ABCA3: variants seen among roughly 807,000 people sequenced by gnomAD.
ABCA3 encodes the protein phospholipid-transporting ATPase ABCA3.
ABCA3 carries 88 observed loss-of-function variants against 172.8 expected under a neutral mutation model. The ratio of observed to expected loss-of-function variants is 0.51; its 90% confidence interval spans 0.43 to 0.61. The LOEUF is 0.61. ABCA3 is among the 20% of genes least tolerant of loss of function. ABCA3 has a pLI of 0.00. For missense variants in ABCA3, 2,164 were observed against 2,301.0 expected (o/e 0.94, Z 1.22); for synonymous variants, 1,066 against 983.8 (o/e 1.08, Z -1.56).
At chr16:2,327,015 A>G (rs1424188434) in intron 3 of ABCA3, among the ~76,000 whole-genome samples, 1 of 152,198 alleles carries the variant, frequency 6.6e-6, no homozygotes, top group Non-Finnish European at 1.5e-5. Flanking sequence ...AAAAAAACCC[A>G]AAGAGCATAG....
chr16:2,325,962 C>T (rs1345237779), intron 5 of ABCA3, 48 bp downstream of exon 5: 17 of 1,609,258 alleles, frequency 1.1e-5, no homozygotes, highest in Admixed American at 1.7e-5. Flanking sequence ...TGCCCAGCCG[C>T]GTGGAGGCAC....
intron 28 of ABCA3, 124 bp downstream of exon 28, chr16:2,280,903 G>A (rs2093653910): frequency 1.6e-6 from 2 of 1,280,136 alleles, no homozygotes; most frequent in Non-Finnish European, 2.2e-6. Flanking sequence ...GGCATGTGCT[G>A]GGCCCATTTC....
At position 2,317,762 on chromosome 16, in the gene ABCA3, C is replaced by A. The variant is rs1339091270; in HGVS notation, c.876G>T (p.Glu292Asp). 4 of 1,614,120 alleles carry A rather than the reference C, an allele frequency of 2.5e-6. No individual in the cohort carries two copies. The highest frequency in any genetic ancestry group is 3.4e-6 in the Non-Finnish European group (4 of 1,179,948). ...VVQEKERRLK[E>D]YMRMMGLSSW... ...TGCTGAGCCCCATCATGCGCATGTA[C>A]TCCTGGGGAGAGAAGCCATCACGCT... The change falls in exon 9 of 33, where the codon GAG becomes GAT. Residue 292 changes from glutamate to aspartate, a missense_variant and splice_region_variant. Physicochemically the swap from Glu to Asp is conservative, Grantham distance 45. This residue lies in a region of ABCA3 where 1,343 missense variants were observed against 1,369.6 expected (regional missense o/e 0.98). Transcript: ENST00000301732.
rs764954705 is a variant in ABCA3 at position 2,317,743 on chromosome 16, G to A, written c.895C>T (p.Leu299Phe). 5 of 1,614,228 alleles carry A rather than the reference G, an allele frequency of 3.1e-6. No homozygotes were observed. The highest frequency in any genetic ancestry group is 1.7e-5 in the Admixed American group (1 of 60,032). The change falls in exon 9 of 33, where the codon CTC becomes TTC. Residue 299 changes from leucine to phenylalanine, a missense_variant. By Grantham distance (22) the Leu-to-Phe change is conservative (BLOSUM62 0). Around this residue, in one of 3 missense-constraint regions of ABCA3, gnomAD observed 1,343 missense variants for 1,369.6 expected, o/e 0.98. Coordinates refer to ENST00000301732, the MANE Select transcript of ABCA3 (RefSeq NM_001089.3). ...GCACTCCAGTGCAGCCAGCTGCTGAGCCCCATCATGCGCATGTACTCCTGG... is the reference window on the plus strand; with the variant it reads ...GCACTCCAGTGCAGCCAGCTGCTGAACCCCATCATGCGCATGTACTCCTGG... ...RLKEYMRMMGLSSWLHWSAWF... is the reference protein window; with the variant it reads ...RLKEYMRMMGFSSWLHWSAWF...
At chr16:2,326,913 G>A (rs1459233493) in intron 3 of ABCA3, among the ~76,000 whole-genome samples, 3 of 152,198 alleles carry the variant, frequency 2.0e-5, no homozygotes, top group Non-Finnish European at 4.4e-5. Flanking sequence ...GCTTGAACCC[G>A]GGAGGCGGGG....
chr16:2,339,719 G>T (rs1263144634), intron 1 of ABCA3, among the ~76,000 whole-genome samples: 1 of 152,212 alleles, frequency 6.6e-6, no homozygotes, highest in Admixed American at 6.5e-5. Context: ...CGCCTTCCCG[G>T]AGTGCACAGT....
At chr16:2,276,850 G>A (rs1312075206) in intron 32 of ABCA3, 45 bp from the exon 33 acceptor site, 3 of 1,611,720 alleles carry the variant, frequency 1.9e-6, no homozygotes, top group Non-Finnish European at 2.5e-6. Context: ...ACAGGGCCCA[G>A]GCTCCTCTGC....
In ABCA3 at chr16:2,283,571, T is replaced by C. The variant is rs1442991997; in HGVS notation, c.3863-213A>G. ...CACGTAACAATCCAATGCAGTCCCA[T>C]GAGCGACATGGCAGACCCAGGGCAG... On this transcript the variant is annotated intron_variant, in intron 25 of 32. Transcript: ENST00000301732. This position sits in a 1 kb window ranked among gnomAD's most constrained non-coding sequence, Gnocchi z 5.4. 1.7e-5 allele frequency: 10 copies of C among 573,092 alleles called. No homozygotes were observed. The East Asian group carries it at 2.8e-4, about 16-fold the overall frequency. 35.5% of individuals were successfully genotyped at this position (573,092 alleles called of 1,614,324 possible).
At position 2,301,074 on chromosome 16, in the gene ABCA3, CA is replaced by C. The variant is rs566228438; in HGVS notation, c.1468-927del. ...TGAAACCCCGTCTCTACTAAAAATA[CA>C]AAAAAATTAGCCGGGCGTGGTGGTG... On this transcript the variant is annotated intron_variant, in intron 12 of 32. Coordinates refer to ENST00000301732, the MANE Select transcript of ABCA3 (RefSeq NM_001089.3). Among the ~76,000 whole-genome samples the C allele has an allele frequency of 2.5e-3, 377 of 149,644 alleles. 8 individuals carry two copies. Among genetic ancestry groups the C allele is most frequent in the African/African-American group, 7.5e-3 (303 of 40,410 alleles).
At chr16:2,324,311 A>C in intron 6 of ABCA3, 93 bp downstream of exon 6, 1 of 1,506,382 alleles carries the variant, frequency 6.6e-7, no homozygotes, top group Non-Finnish European at 8.9e-7. Flanking sequence ...TTTAAGGGAA[A>C]GCAGTGCCTT....
intron 9 of ABCA3, 23 bp from the exon 10 acceptor site, chr16:2,317,426 G>C (rs373884473): frequency 1.9e-6 from 3 of 1,612,336 alleles, no homozygotes; most frequent in African/African-American, 2.7e-5. Flanking sequence ...GGCATGAGTC[G>C]GGCGTGGTGG....
chr16:2,326,311 A>G, intron 4 of ABCA3, 37 bp from the exon 5 acceptor site: 2 of 1,611,598 alleles, frequency 1.2e-6, no homozygotes, highest in East Asian at 2.2e-5. Flanking sequence ...GATGGGCTGC[A>G]AGGCAGAAGC....
intron 3 of ABCA3, among the ~76,000 whole-genome samples, chr16:2,328,083 T>C (rs528178151): frequency 6.6e-6 from 1 of 152,098 alleles, no homozygotes; most frequent in Admixed American, 6.6e-5. Context: ...TATCCTATAT[T>C]ATATAGGAAC....
At chr16:2,289,682 C>T in intron 19 of ABCA3, 62 bp from the exon 20 acceptor site, 4 of 1,527,594 alleles carry the variant, frequency 2.6e-6, no homozygotes, top group Non-Finnish European at 3.5e-6. Flanking sequence ...GAGGGAGGGA[C>T]TATGGTTAGA....
intron 10 of ABCA3, among the ~76,000 whole-genome samples, chr16:2,310,508 T>A (rs2093705008): frequency 6.6e-6 from 1 of 151,708 alleles, no homozygotes; most frequent in South Asian, 2.1e-4. Context: ...TTTTCCAACT[T>A]TTTTTTCTTT....
rs2093660249 is a variant in ABCA3, at chr16:2,284,807, G to A, written c.3675C>T (p.Phe1225=). 6.2e-7 allele frequency: 1 copy of A among 1,613,922 alleles called. No homozygotes were observed. The highest frequency in any genetic ancestry group is 8.5e-7 in the Non-Finnish European group (1 of 1,179,966). Residue 1225 remains phenylalanine (F), a synonymous_variant, in exon 24 of 33, where the codon TTC becomes TTT. Coordinates refer to ENST00000301732, the MANE Select transcript of ABCA3 (RefSeq NM_001089.3). The surrounding 1 kb of genome is among the most constrained non-coding windows in gnomAD (Gnocchi z 5.9). ...GGATGCGCATGATGGTGACCATCAG[G>A]AAGGTGGCGATGCCTGACAGGATGT... ...IFNILSGIAT[F]LMVTIMRIPA... is the part of the protein sequence containing the mutation.
In ABCA3 at chr16:2,327,706, G is replaced by C. The variant is rs546315397; in HGVS notation, c.-27+747C>G. 2.0e-5 allele frequency among the ~76,000 whole-genome samples: 3 copies of C among 152,192 alleles called. No homozygotes were observed. In the South Asian group the frequency reaches 6.2e-4, roughly 32 times the overall value. ...TCAGAGCCTCGCAGCAAAAAGACTA[G>C]CCATTTTCTTTTTCTTTTTTCTGTT... On this transcript the variant is annotated intron_variant, in intron 3 of 32. Coordinates refer to ENST00000301732, the MANE Select transcript of ABCA3 (RefSeq NM_001089.3).
chr16:2,303,981 G>A lies in ABCA3; in HGVS notation c.1455C>T (p.Tyr485=), dbSNP rs1406324789. 6.2e-7 allele frequency: 1 copy of A among 1,614,078 alleles called. No individual in the cohort carries two copies. Among genetic ancestry groups the A allele is most frequent in the African/African-American group, 1.3e-5 (1 of 75,018 alleles). ...PGQFGVPQPW[Y]FFIMPSYWCG... ...CATCAGAACTCACCATGATGAAGAA[G>A]TACCAGGGCTGAGGCACGCCGAACT... Residue 485 remains tyrosine (Y), a synonymous_variant, in exon 12 of 33, where the codon TAC becomes TAT. Transcript: ENST00000301732.
intron 3 of ABCA3, among the ~76,000 whole-genome samples, chr16:2,327,634 T>C (rs1024520080): frequency 9.2e-5 from 14 of 152,226 alleles, no homozygotes; most frequent in African/African-American, 2.9e-4. Context: ...CACCCTCTCC[T>C]TGGCCCTAAA....
Sources: gnomAD v4.1 joint callset for allele counts (sites outside exome capture counted in the v4.1 genomes callset) on GRCh38, gnomAD v4.1.1 for gene constraint, gnomAD v4.1.1 regional missense constraint, Gnocchi (gnomAD v3.1) non-coding constraint, MANE v1.5 for transcripts, NCBI Gene and HGNC (gene_info 2026-07-23, HGNC 2026-07-21) for gene names.